SNX24: variants seen among roughly 807,000 people sequenced by gnomAD.
The protein encoded by SNX24 is sorting nexin 24.
Under a neutral mutation model 28.7 loss-of-function variants are expected in SNX24, and 22 were observed. The observed-to-expected ratio is 0.77, with a 90% CI of 0.55 to 1.10. SNX24 has a LOEUF of 1.10. Ranked by LOEUF, SNX24 falls within the 50% of genes least tolerant of loss-of-function variation. The pLI is 0.00. For synonymous variants in SNX24, 69 were observed against 71.5 expected, an observed-to-expected ratio of 0.96 and a Z score of 0.18; for missense variants, 221 against 201.1, an observed-to-expected ratio of 1.10 and a Z score of -0.60.
At chr5:122,984,443 C>T (rs1301192528) in intron 3 of SNX24, among the ~76,000 whole-genome samples, 1 of 152,158 alleles carries the variant, frequency 6.6e-6, no homozygotes, top group Non-Finnish European at 1.5e-5. Flanking sequence ...CCCAACTGCA[C>T]TGAATTCCCT....
At chr5:123,023,169 A>T (rs1762786820) in intron 5 of SNX24, 1 of 152,248 alleles carries the variant, frequency 6.6e-6, no homozygotes, top group Admixed American at 6.5e-5. Context: ...TGGGCTAAAG[A>T]TAACTTTCTA....
chr5:123,002,970 G>C (rs1214275869), intron 6 of SNX24, among the ~76,000 whole-genome samples: 2 of 152,234 alleles, frequency 1.3e-5, no homozygotes, highest in Non-Finnish European at 2.9e-5. Context: ...TCCACTCTCA[G>C]ATGGTTGATG....
Position 123,008,115 on chromosome 5 carries a change from C to G in SNX24, c.*366C>G, listed in dbSNP as rs781355480. 9.9e-7 allele frequency: 1 copy of G among 1,007,200 alleles called. No homozygotes were observed. Among genetic ancestry groups the G allele is most frequent in the Non-Finnish European group, 1.2e-6 (1 of 844,640 alleles). The allele number at this position is 1,007,200 out of a possible 1,614,324, so 62.4% of individuals were successfully genotyped here. A position where few individuals can be genotyped will look rare whatever the true frequency, so the allele number is the denominator to read the frequency against. On this transcript the variant is annotated 3_prime_UTR_variant, in exon 7 of 7. Coordinates refer to ENST00000261369, the MANE Select transcript of SNX24 (RefSeq NM_014035.4). ...ATTGAAAATCATATCCTGAATCATACTGAGACTGATCAACTTTGGTAGCTT... is the reference window on the plus strand; with the variant it reads ...ATTGAAAATCATATCCTGAATCATAGTGAGACTGATCAACTTTGGTAGCTT...
chr5:122,973,025 A>G (rs896549568), intron 3 of SNX24, among the ~76,000 whole-genome samples: 1 of 152,250 alleles, frequency 6.6e-6, no homozygotes, highest in Non-Finnish European at 1.5e-5. Context: ...AGCTGAGGAA[A>G]GAGACCGAGT....
At chr5:123,000,120 T>C in intron 4 of SNX24, 114 bp downstream of exon 4, 1 of 733,558 alleles carries the variant, frequency 1.4e-6, no homozygotes, top group Non-Finnish European at 2.4e-6. Context: ...ACGCCCACTC[T>C]TTTGGCTTGC....
At chr5:122,890,511 C>A (rs984518548) in intron 1 of SNX24, among the ~76,000 whole-genome samples, 4 of 144,958 alleles carry the variant, frequency 2.8e-5, no homozygotes, top group African/African-American at 7.7e-5. Flanking sequence ...ACTCTGTGGC[C>A]CAGGCTGGAA....
intron 1 of SNX24, among the ~76,000 whole-genome samples, chr5:122,875,799 A>T (rs1053879991): frequency 6.6e-6 from 1 of 152,126 alleles, no homozygotes; most frequent in African/African-American, 2.4e-5. Flanking sequence ...TTATTTATTT[A>T]TTTTTTTGAG....
intron 3 of SNX24, among the ~76,000 whole-genome samples, chr5:122,955,968 A>T (rs1329205393): frequency 2.6e-5 from 4 of 151,964 alleles, no homozygotes; most frequent in African/African-American, 9.7e-5. Flanking sequence ...GTTTGGCTGG[A>T]GTAGAATGGT....
chr5:122,979,796 A>G (rs80123473), intron 3 of SNX24, among the ~76,000 whole-genome samples: 3,724 of 152,352 alleles, frequency 0.024, 141 homozygotes, highest in African/African-American at 0.071. Context: ...TTAAATAAAA[A>G]TGAATATACA....
rs1414705855 is a variant in SNX24 at position 122,943,342 on chromosome 5, G to A, written c.145-2713G>A. On this transcript the variant is annotated intron_variant, in intron 2 of 6. Transcript: ENST00000261369. Reference sequence around the variant, plus strand: ...CTCCTTCCTTCTCTTTTAGTAGAACGCCTTAGAAGAGGAGCTGCTACTTCC... The same window carrying A: ...CTCCTTCCTTCTCTTTTAGTAGAACACCTTAGAAGAGGAGCTGCTACTTCC... Among the ~76,000 whole-genome samples, 5 of 152,080 alleles carry A rather than the reference G, an allele frequency of 3.3e-5. 1 individual carries two copies. Among genetic ancestry groups the A allele is most frequent in the East Asian group, 1.9e-4 (1 of 5,192 alleles).
intron 5 of SNX24, among the ~76,000 whole-genome samples, chr5:123,001,675 C>T (rs1438630269): frequency 6.6e-6 from 1 of 152,122 alleles, no homozygotes; most frequent in African/African-American, 2.4e-5. Context: ...AATCGTATTA[C>T]AAGATTTTTA....
intron 1 of SNX24, among the ~76,000 whole-genome samples, chr5:122,910,559 C>A (rs1402822811): frequency 6.6e-6 from 1 of 150,840 alleles, no homozygotes; most frequent in Non-Finnish European, 1.5e-5. Flanking sequence ...TGCTGGTGTG[C>A]TGCACCCATT....
At chr5:123,019,126 T>C (rs1033859461) in intron 5 of SNX24, among the ~76,000 whole-genome samples, 7 of 152,202 alleles carry the variant, frequency 4.6e-5, no homozygotes, top group Non-Finnish European at 8.8e-5. Context: ...TCAGTAACAC[T>C]AGCAAACCTT....
intron 1 of SNX24, among the ~76,000 whole-genome samples, chr5:122,870,764 C>T (rs563871400): frequency 1.3e-5 from 2 of 152,148 alleles, no homozygotes; most frequent in East Asian, 1.9e-4. Flanking sequence ...GGAAAAACTT[C>T]AGGTGTTAGC....
At chr5:123,018,782 G>A (rs1762722644) in intron 5 of SNX24, among the ~76,000 whole-genome samples, 1 of 151,976 alleles carries the variant, frequency 6.6e-6, no homozygotes, top group South Asian at 2.1e-4. Flanking sequence ...CGCCTCCCGG[G>A]TTCAAGCAAT....
chr5:122,867,823 T>C (rs1253512985), intron 1 of SNX24, among the ~76,000 whole-genome samples: 1 of 152,184 alleles, frequency 6.6e-6, no homozygotes, highest in African/African-American at 2.4e-5. Context: ...TCCATGTAGG[T>C]ATTCTTGGAA....
At chr5:122,921,760 A>T (rs1758440003) in intron 1 of SNX24, among the ~76,000 whole-genome samples, 1 of 152,136 alleles carries the variant, frequency 6.6e-6, no homozygotes, top group Non-Finnish European at 1.5e-5. Flanking sequence ...TTCTATAGAG[A>T]CCACATATGT....
At chr5:122,981,948 T>C (rs1027257471) in intron 3 of SNX24, among the ~76,000 whole-genome samples, 1 of 152,222 alleles carries the variant, frequency 6.6e-6, no homozygotes, top group Admixed American at 6.5e-5. Flanking sequence ...TCTTAAAATG[T>C]GGATTTTGGA....
In SNX24 at chr5:122,938,263, G is replaced by C. The variant is rs115041349; in HGVS notation, c.144+1446G>C. Among the ~76,000 whole-genome samples, 407 of 152,234 alleles carry C rather than the reference G, an allele frequency of 2.7e-3. 2 individuals are homozygous for C. Among genetic ancestry groups the C allele is most frequent in the African/African-American group, 9.4e-3 (390 of 41,532 alleles). ...GTAGAGTTTATTTTCTTCTGCAGAG[G>C]AGGACCCTCTCCCCAGTGAGTTTGG... is the stretch of plus-strand genomic sequence containing the variant. On this transcript the variant is annotated intron_variant, in intron 2 of 6. Transcript: ENST00000261369.
Sources: gnomAD v4.1 joint callset for allele counts (sites outside exome capture counted in the v4.1 genomes callset) on GRCh38, gnomAD v4.1.1 for gene constraint, MANE v1.5 for transcripts, NCBI Gene and HGNC (gene_info 2026-07-23, HGNC 2026-07-21) for gene names.